C16orf74: variants seen among roughly 807,000 people sequenced by gnomAD.
C16orf74 encodes uncharacterized protein C16orf74.
C16orf74 carries 10 observed loss-of-function variants against 6.5 expected under a neutral mutation model. The ratio of observed to expected loss-of-function variants is 1.54; its 90% confidence interval spans 0.95 to 2.61. C16orf74 has a LOEUF of 2.61. C16orf74 is among the 30% of genes most tolerant of loss of function. The probability of loss-of-function intolerance (pLI) is 0.00; values close to 1 mark genes in which losing one functional copy is unlikely to be tolerated. For synonymous variants in C16orf74, 60 were observed against 42.5 expected (o/e 1.41, Z -1.60); for missense variants, 141 against 105.9 (o/e 1.33, Z -1.45).
intron 1 of C16orf74, among the ~76,000 whole-genome samples, chr16:85,738,133 T>C (rs2054264596): frequency 6.6e-6 from 1 of 151,724 alleles, no homozygotes. Flanking sequence ...TAGTCCCAGC[T>C]ACTCAGGAGG....
chr16:85,745,287 C>T (rs1006183768), intron 1 of C16orf74, among the ~76,000 whole-genome samples: 2 of 151,920 alleles, frequency 1.3e-5, no homozygotes, highest in African/African-American at 4.8e-5. Flanking sequence ...GCAAGACAGA[C>T]AGACATCAGA....
At chr16:85,738,200 G>A (rs183271941) in intron 1 of C16orf74, among the ~76,000 whole-genome samples, 70 of 151,946 alleles carry the variant, frequency 4.6e-4, no homozygotes, top group Non-Finnish European at 1.9e-4. Flanking sequence ...AACCTTGATC[G>A]TGCCACTTCA....
At chr16:85,735,008 T>C (rs564828294) in intron 2 of C16orf74, among the ~76,000 whole-genome samples, 182 bp downstream of exon 2, 10 of 152,174 alleles carry the variant, frequency 6.6e-5, no homozygotes, top group Non-Finnish European at 1.5e-4. Flanking sequence ...ATAGAAGGCC[T>C]GGAGGGGTGC....
intron 2 of C16orf74, among the ~76,000 whole-genome samples, chr16:85,729,203 G>A (rs1032590148): frequency 2.6e-5 from 4 of 152,216 alleles, no homozygotes; most frequent in African/African-American, 9.6e-5. Flanking sequence ...GGTCCCCTGT[G>A]CCTCAGCCTC....
At chr16:85,716,160 G>C (rs1430252376) in intron 2 of C16orf74, among the ~76,000 whole-genome samples, 1 of 152,086 alleles carries the variant, frequency 6.6e-6, no homozygotes, top group Non-Finnish European at 1.5e-5. Context: ...GTGGTCTGGA[G>C]CTTGAGGACA....
At chr16:85,744,511 T>A (rs1039621215) in intron 1 of C16orf74, among the ~76,000 whole-genome samples, 10 of 152,050 alleles carry the variant, frequency 6.6e-5, no homozygotes, top group Non-Finnish European at 1.3e-4. Flanking sequence ...AAGAACAGGT[T>A]CTTTCTTGCA....
At chr16:85,709,683 C>G (rs2053948097) in intron 3 of C16orf74, among the ~76,000 whole-genome samples, 1 of 152,220 alleles carries the variant, frequency 6.6e-6, no homozygotes, top group Non-Finnish European at 1.5e-5. Flanking sequence ...TCCTCACCCT[C>G]TCCCTGGGAA....
At chr16:85,709,495 G>GTTGTTGTTGTTATTA (rs150032889) in intron 3 of C16orf74, among the ~76,000 whole-genome samples, 9 of 147,398 alleles carry the variant, frequency 6.1e-5, no homozygotes, top group African/African-American at 2.3e-4. Context: ...CATCCCCAAT[G>GTTGTTGTTGTTATTA]TTATTATTAT....
At chr16:85,732,071 TAAAAG>T (rs1285008837) in intron 2 of C16orf74, among the ~76,000 whole-genome samples, 1 of 152,130 alleles carries the variant, frequency 6.6e-6, no homozygotes, top group Non-Finnish European at 1.5e-5. Flanking sequence ...CAGTTGTCCT[TAAAAG>T]AGAAGGGAAG....
intron 1 of C16orf74, among the ~76,000 whole-genome samples, chr16:85,741,428 G>GA (rs2054306660): frequency 6.6e-6 from 1 of 152,182 alleles, no homozygotes; most frequent in African/African-American, 2.4e-5. Flanking sequence ...AAGCAAACCA[G>GA]AGGATGGGGG....
At chr16:85,728,847 G>A (rs957368514) in intron 2 of C16orf74, among the ~76,000 whole-genome samples, 1 of 152,170 alleles carries the variant, frequency 6.6e-6, no homozygotes, top group Admixed American at 6.5e-5. Flanking sequence ...CCCAGAATAT[G>A]AACTCGGATC....
chr16:85,719,747 G>A (rs1423441553), intron 2 of C16orf74, among the ~76,000 whole-genome samples: 5 of 152,014 alleles, frequency 3.3e-5, no homozygotes, highest in Non-Finnish European at 7.4e-5. Flanking sequence ...GATTCCCGAG[G>A]CACCCACAGC....
intron 1 of C16orf74, among the ~76,000 whole-genome samples, chr16:85,748,580 A>C (rs1410718602): frequency 6.6e-6 from 1 of 152,200 alleles, no homozygotes; most frequent in East Asian, 1.9e-4. Context: ...CCTGGGTGAC[A>C]GAGCAAGACT....
chr16:85,732,187 C>T (rs986540332), intron 2 of C16orf74, among the ~76,000 whole-genome samples: 2 of 152,198 alleles, frequency 1.3e-5, no homozygotes, highest in Non-Finnish European at 2.9e-5. Context: ...AAGGAGCCTC[C>T]TTAGAGCTTC....
intron 1 of C16orf74, chr16:85,743,231 C>T (rs935653357): frequency 6.6e-6 from 1 of 152,200 alleles, no homozygotes; most frequent in African/African-American, 2.4e-5. Flanking sequence ...CTACATCTGT[C>T]TGAATAGAAG....
At chr16:85,729,055 T>C (rs907056754) in intron 2 of C16orf74, among the ~76,000 whole-genome samples, 1 of 152,120 alleles carries the variant, frequency 6.6e-6, no homozygotes, top group Admixed American at 6.5e-5. Context: ...AGCAGGACCA[T>C]GCCATTTCCT....
chr16:85,711,111 C>T (rs80027788), intron 2 of C16orf74, among the ~76,000 whole-genome samples: 5 of 151,404 alleles, frequency 3.3e-5, no homozygotes, highest in African/African-American at 4.9e-5. Flanking sequence ...GTCAGGAGTT[C>T]AAGACCAGCC....
intron 1 of C16orf74, among the ~76,000 whole-genome samples, chr16:85,740,963 G>C (rs2054300422): frequency 6.6e-6 from 1 of 152,128 alleles, no homozygotes; most frequent in Non-Finnish European, 1.5e-5. Flanking sequence ...GGAGAGATGA[G>C]GACACGCGTG....
rs373828458 is a variant in C16orf74, at chr16:85,744,597, A to G, written c.-19+6329T>C. Among the ~76,000 whole-genome samples the G allele has an allele frequency of 1.5e-3, 226 of 152,020 alleles. 2 individuals carry two copies. Among genetic ancestry groups the G allele is most frequent in the Admixed American group, 3.8e-3 (58 of 15,262 alleles). On this transcript the variant is annotated intron_variant, in intron 1 of 3. Transcript: ENST00000284245. ...TGAAATCCCAGCACTTTGGGAGGCCAAGGCGGGCGGATCACGAGGTCAGGA... is the reference window on the plus strand; with the variant it reads ...TGAAATCCCAGCACTTTGGGAGGCCGAGGCGGGCGGATCACGAGGTCAGGA...
Sources: allele counts gnomAD v4.1 joint callset (sites outside exome capture counted in the v4.1 genomes callset), GRCh38; gene constraint gnomAD v4.1.1; transcripts MANE v1.5; gene names NCBI Gene and HGNC (gene_info 2026-07-23, HGNC 2026-07-21).